The following CSMD2 variants were observed in gnomAD, a reference collection of about 807,000 sequenced individuals.
CSMD2 encodes CUB and sushi domain-containing protein 2.
In CSMD2, 130 loss-of-function variants were observed where a neutral mutation model predicts 398.5. The observed-to-expected ratio is 0.33, with a 90% confidence interval of 0.28 to 0.38. CSMD2 has a LOEUF of 0.38. CSMD2 is among the 10% of genes least tolerant of loss of function. The probability of loss-of-function intolerance (pLI) is 1.00; values close to 1 mark genes in which losing one functional copy is unlikely to be tolerated. For synonymous variants in CSMD2, 1,828 were observed against 1,908.5 expected (o/e 0.96, Z 1.10); for missense variants, 3,829 against 4,764.9 (o/e 0.80, Z 5.78).
intron 55 of CSMD2, among the ~76,000 whole-genome samples, chr1:33,555,818 T>A (rs986240972): frequency 2.6e-5 from 4 of 152,224 alleles, no homozygotes; most frequent in Non-Finnish European, 5.9e-5. Context: ...AACTAAAAAA[T>A]TTGTGTGACT....
chr1:33,710,488 G>C (rs940432822), intron 21 of CSMD2, among the ~76,000 whole-genome samples: 1 of 152,170 alleles, frequency 6.6e-6, no homozygotes, highest in African/African-American at 2.4e-5. Context: ...ATTAGGTTCC[G>C]GAAGGATGTA....
chr1:33,545,508 G>T (rs900522609), intron 57 of CSMD2, among the ~76,000 whole-genome samples: 10 of 152,176 alleles, frequency 6.6e-5, no homozygotes, highest in African/African-American at 2.4e-4. Flanking sequence ...CTTGGACATG[G>T]TGCCTTCTTG....
At chr1:33,875,710 T>C (rs2125157895) in intron 5 of CSMD2, 1 of 152,314 alleles carries the variant, frequency 6.6e-6, no homozygotes, top group South Asian at 2.1e-4. Flanking sequence ...TCTGGTTGGG[T>C]ACTTCATAAA....
At chr1:33,776,247 C>A (rs1486988632) in intron 12 of CSMD2, among the ~76,000 whole-genome samples, 2 of 152,148 alleles carry the variant, frequency 1.3e-5, no homozygotes, top group East Asian at 3.9e-4. Context: ...CCTACAGGGG[C>A]TCCAGAGAAG....
At chr1:33,788,550 C>A in intron 12 of CSMD2, 50 bp downstream of exon 12, 1 of 1,027,606 alleles carries the variant, frequency 9.7e-7, no homozygotes, top group South Asian at 1.3e-5. Flanking sequence ...ATCCAGACCC[C>A]GTCTCTGACT....
chr1:33,633,392 C>G lies in CSMD2; in HGVS notation c.5200+30G>C, dbSNP rs1642586303. On this transcript the variant is annotated intron_variant, in intron 32 of 70. Coordinates refer to ENST00000373381, the MANE Select transcript of CSMD2 (RefSeq NM_001281956.2). This position sits in a 1 kb window ranked among gnomAD's most constrained non-coding sequence, Gnocchi z 5.0. Reference sequence around the variant, plus strand: ...CGGACGTGATGCCCCCGGCCCACAACCATCCCCACACTGGCCGAGCCCCGG... The same window carrying G: ...CGGACGTGATGCCCCCGGCCCACAAGCATCCCCACACTGGCCGAGCCCCGG... 1 of 1,503,480 alleles carries G rather than the reference C, an allele frequency of 6.7e-7. No individual in the cohort carries two copies. The highest frequency in any genetic ancestry group is 2.5e-5 in the East Asian group (1 of 40,716). The allele number at this position is 1,503,480 out of a possible 1,614,324, so 93.1% of individuals were successfully genotyped here.
chr1:33,661,726 C>T (rs1557691416), intron 26 of CSMD2, among the ~76,000 whole-genome samples: 1 of 152,180 alleles, frequency 6.6e-6, no homozygotes, highest in Non-Finnish European at 1.5e-5. Context: ...GCTCCCCACG[C>T]TGCTAAATGC....
rs78548743 is a variant in CSMD2, at chr1:33,539,201, C to T, written c.9631+1324G>A. Among the ~76,000 whole-genome samples the T allele has an allele frequency of 5.9e-5, 9 of 152,142 alleles. 1 individual carries two copies. The highest frequency in any genetic ancestry group is 2.2e-4 in the African/African-American group (9 of 41,430). On this transcript the variant is annotated intron_variant, in intron 60 of 70. Coordinates refer to ENST00000373381, the MANE Select transcript of CSMD2 (RefSeq NM_001281956.2). ...CAGGACGGTCTCAATCTCCTGACCT[C>T]GTGATCCACCCACCTCGGCCTCCCA...
Position 33,721,935 on chromosome 1 carries a change from A to T in CSMD2, c.3001+2262T>A, listed in dbSNP as rs560325797. ...CAGGCTGTTTTCTATGCAAACAAGG[A>T]TGTCTTTTAAACTAAATATATTCTT... On this transcript the variant is annotated intron_variant, in intron 19 of 70. Coordinates refer to ENST00000373381, the MANE Select transcript of CSMD2 (RefSeq NM_001281956.2). Among the ~76,000 whole-genome samples, 10 of 152,344 alleles carry T rather than the reference A, an allele frequency of 6.6e-5. No individual in the cohort carries two copies. In the East Asian group the frequency reaches 1.9e-3, roughly 29 times the overall value.
At chr1:33,833,779 A>G (rs1659900958) in intron 6 of CSMD2, among the ~76,000 whole-genome samples, 1 of 152,178 alleles carries the variant, frequency 6.6e-6, no homozygotes, top group African/African-American at 2.4e-5. Context: ...AAATCTCCTT[A>G]AGCTGATAAG....
In CSMD2 at chr1:33,524,921, T is replaced by C; in HGVS notation, c.10357A>G (p.Thr3453Ala). The C allele has an allele frequency of 6.2e-7, 1 of 1,614,240 alleles. No individual in the cohort carries two copies. The highest frequency in any genetic ancestry group is 8.5e-7 in the Non-Finnish European group (1 of 1,180,046). Residue 3453 changes from threonine to alanine, a missense_variant, in exon 66 of 71, where the codon ACC becomes GCC. Thr to Ala is a moderately conservative substitution (Grantham distance 58). Around this residue, in one of 5 missense-constraint regions of CSMD2, gnomAD observed 917 missense variants for 1,199.5 expected, o/e 0.76. Transcript: ENST00000373381. The stretch of plus-strand genomic sequence containing the variant: ...TCCACGCCACTGTGGTCGATCATGG[T>C]GGCATTGACCTTGCTGTTGGCAACT... Reference protein sequence around the residue: ...FQVANSKVNATMIDHSGVELH... With the variant: ...FQVANSKVNAAMIDHSGVELH...
intron 2 of CSMD2, among the ~76,000 whole-genome samples, chr1:34,084,130 A>T (rs1402976183): frequency 6.6e-6 from 1 of 152,170 alleles, no homozygotes; most frequent in Non-Finnish European, 1.5e-5. Context: ...CCAGAGCCTC[A>T]TCCTCATGGC....
intron 13 of CSMD2, among the ~76,000 whole-genome samples, chr1:33,745,453 T>C (rs1464393062): frequency 6.6e-6 from 1 of 152,214 alleles, no homozygotes; most frequent in Admixed American, 6.5e-5. Flanking sequence ...TAAATTGATA[T>C]TTAAGTGAGT....
rs781296198 is a variant in CSMD2, at chr1:33,625,231, G to T, written c.5320C>A (p.Gln1774Lys). 6.2e-7 allele frequency: 1 copy of T among 1,612,924 alleles called. No homozygotes were observed. Residue 1774 changes from glutamine (Q) to lysine (K), a missense_variant, in exon 34 of 71, where the codon CAG becomes AAG. Gln to Lys is a moderately conservative substitution (Grantham distance 53). Around this residue, in one of 5 missense-constraint regions of CSMD2, gnomAD observed 2,001 missense variants for 2,567.1 expected, o/e 0.78. Coordinates refer to ENST00000373381, the MANE Select transcript of CSMD2 (RefSeq NM_001281956.2). ...YQAVPRTSAT[Q>K]CSSVPEPRYG... The stretch of plus-strand genomic sequence containing the variant: ...CGGGGTTCCGGCACAGAGCTGCACT[G>T]CGTGGCGCTGGTTCGAGGAACCGCT...
chr1:34,092,649 A>G (rs1198326576), intron 1 of CSMD2, among the ~76,000 whole-genome samples: 1 of 152,162 alleles, frequency 6.6e-6, no homozygotes, highest in South Asian at 2.1e-4. Flanking sequence ...GGGGTGACGG[A>G]CGGCACCTGG....
intron 24 of CSMD2, among the ~76,000 whole-genome samples, chr1:33,694,800 G>A (rs952807463): frequency 1.3e-5 from 2 of 152,082 alleles, no homozygotes; most frequent in African/African-American, 2.4e-5. Context: ...AGGGCTGATT[G>A]CCTGTTCTGT....
chr1:34,008,623 C>G (rs1647137821), intron 3 of CSMD2, among the ~76,000 whole-genome samples: 1 of 152,228 alleles, frequency 6.6e-6, no homozygotes, highest in African/African-American at 2.4e-5. Flanking sequence ...CGTTCAAAAA[C>G]TCTTTCTCAC....
At chr1:34,157,707 A>G (rs942567812) in intron 1 of CSMD2, among the ~76,000 whole-genome samples, 11 of 145,938 alleles carry the variant, frequency 7.5e-5, no homozygotes, top group Non-Finnish European at 1.3e-4. Flanking sequence ...ATCCCATTCC[A>G]TTCCATCACC....
intron 5 of CSMD2, among the ~76,000 whole-genome samples, chr1:33,897,844 AAATGTTATCTC>A (rs1192926456): frequency 3.3e-5 from 5 of 152,234 alleles, no homozygotes; most frequent in Non-Finnish European, 5.9e-5. Flanking sequence ...GTGGTTCCAC[AAATGTTATCTC>A]CCTCAATTCT....
Sources: allele counts gnomAD v4.1 joint callset (sites outside exome capture counted in the v4.1 genomes callset), GRCh38; gene constraint gnomAD v4.1.1; regional missense constraint gnomAD v4.1.1; non-coding constraint Gnocchi (gnomAD v3.1); transcripts MANE v1.5; gene names NCBI Gene and HGNC (gene_info 2026-07-23, HGNC 2026-07-21).